Variants in GPATCH2 observed in about 807,000 individuals in gnomAD.
GPATCH2 encodes G-patch domain containing 2.
In GPATCH2, 51 loss-of-function variants were observed where a neutral mutation model predicts 58.0. That is an observed-to-expected ratio of 0.88 (90% confidence interval 0.70 to 1.11). The LOEUF (loss-of-function observed/expected upper bound fraction) is 1.11, where lower values mean the gene tolerates loss of function less well. Ranked by LOEUF, GPATCH2 falls within the 50% of genes most tolerant of loss-of-function variation. GPATCH2 has a pLI of 0.00. For missense variants in GPATCH2, 625 were observed against 652.2 expected, an observed-to-expected ratio of 0.96 and a Z score of 0.45; for synonymous variants, 222 against 218.5, an observed-to-expected ratio of 1.02 and a Z score of -0.14.
At chr1:217,535,904 A>T (rs566371970) in intron 5 of GPATCH2, among the ~76,000 whole-genome samples, 1 of 152,350 alleles carries the variant, frequency 6.6e-6, no homozygotes, top group East Asian at 1.9e-4. Context: ...TAAAATTTTT[A>T]AATTTCTTTT....
chr1:217,593,941 A>G (rs1444186890), intron 5 of GPATCH2, among the ~76,000 whole-genome samples: 1 of 152,136 alleles, frequency 6.6e-6, no homozygotes, highest in Non-Finnish European at 1.5e-5. Flanking sequence ...ATATTTAATT[A>G]GAATCTTTTA....
chr1:217,585,765 T>C (rs1211792397), intron 5 of GPATCH2, among the ~76,000 whole-genome samples: 2 of 152,170 alleles, frequency 1.3e-5, no homozygotes, highest in African/African-American at 4.8e-5. Flanking sequence ...CAGGGATACA[T>C]TCTGAGAAAG....
intron 5 of GPATCH2, among the ~76,000 whole-genome samples, chr1:217,562,473 C>T (rs1018396629): frequency 3.3e-5 from 5 of 152,138 alleles, no homozygotes; most frequent in Non-Finnish European, 5.9e-5. Context: ...TGGAAAACTA[C>T]TAGGACAGAG....
intron 5 of GPATCH2, among the ~76,000 whole-genome samples, chr1:217,551,880 G>A (rs569515860): frequency 5.9e-5 from 9 of 152,236 alleles, no homozygotes; most frequent in Admixed American, 2.0e-4. Context: ...TACATATCAT[G>A]TAACATCACC....
chr1:217,567,679 T>C (rs1158626957), intron 5 of GPATCH2, among the ~76,000 whole-genome samples: 2 of 152,248 alleles, frequency 1.3e-5, no homozygotes, highest in Non-Finnish European at 2.9e-5. Context: ...ATAAGCCTTC[T>C]GGCTTTAAAT....
chr1:217,622,565 A>G (rs747594946), intron 1 of GPATCH2, among the ~76,000 whole-genome samples: 3 of 152,208 alleles, frequency 2.0e-5, no homozygotes, highest in Non-Finnish European at 2.9e-5. Context: ...TTTGTTTGAG[A>G]CGGAGTCTCG....
chr1:217,452,548 A>G (rs1659717564), intron 8 of GPATCH2, among the ~76,000 whole-genome samples: 1 of 152,020 alleles, frequency 6.6e-6, no homozygotes, highest in South Asian at 2.1e-4. Flanking sequence ...CTTAAAAATA[A>G]CTCTCCCAAG....
intron 5 of GPATCH2, among the ~76,000 whole-genome samples, chr1:217,583,061 A>G (rs1322439183): frequency 6.6e-6 from 1 of 152,246 alleles, no homozygotes; most frequent in African/African-American, 2.4e-5. Context: ...CACTTCATAA[A>G]TAATTACTGC....
chr1:217,575,156 C>T (rs1327179275), intron 5 of GPATCH2, among the ~76,000 whole-genome samples: 1 of 152,136 alleles, frequency 6.6e-6, no homozygotes, highest in East Asian at 1.9e-4. Context: ...AATGTCTTGC[C>T]TAAAGTCACA....
intron 8 of GPATCH2, among the ~76,000 whole-genome samples, chr1:217,463,568 G>T (rs1190073535): frequency 2.1e-5 from 3 of 145,792 alleles, no homozygotes; most frequent in African/African-American, 7.6e-5. Flanking sequence ...ACTTTGGGAG[G>T]CTGAGATGGG....
intron 2 of GPATCH2, among the ~76,000 whole-genome samples, chr1:217,618,791 CT>C (rs2102835674): frequency 6.6e-6 from 1 of 152,092 alleles, no homozygotes; most frequent in East Asian, 1.9e-4. Context: ...GAAACCCCGT[CT>C]CTACTAAAAA....
chr1:217,467,057 C>T (rs1275935333), intron 8 of GPATCH2, among the ~76,000 whole-genome samples: 1 of 152,158 alleles, frequency 6.6e-6, no homozygotes, highest in African/African-American at 2.4e-5. Flanking sequence ...CCTGTGGTCC[C>T]AGCTACTCAG....
At chr1:217,539,481 T>G (rs555637264) in intron 5 of GPATCH2, among the ~76,000 whole-genome samples, 2 of 152,296 alleles carry the variant, frequency 1.3e-5, no homozygotes, top group East Asian at 3.9e-4. Flanking sequence ...CCTCTTGTCC[T>G]ACAAACAATT....
At chr1:217,515,158 C>T (rs1248292117) in intron 5 of GPATCH2, among the ~76,000 whole-genome samples, 4 of 151,246 alleles carry the variant, frequency 2.6e-5, no homozygotes, top group East Asian at 2.0e-4. Context: ...TGCAGCAGCG[C>T]GATCTCGGCT....
At chr1:217,628,706 A>G (rs1669580691) in intron 1 of GPATCH2, among the ~76,000 whole-genome samples, 1 of 151,586 alleles carries the variant, frequency 6.6e-6, no homozygotes, top group Non-Finnish European at 1.5e-5. Context: ...AAAGAATACC[A>G]TAGTTGAATA....
rs1558458105 is a variant in GPATCH2, at chr1:217,524,882, AGGGGG to A, written c.1099-9998_1099-9994del. ...GGAGAGGGGAGAGGGGAGAGGGGGG[AGGGGG>A]GAGGGGGGAGGGGGGAGGGGGGAGG... is the stretch of plus-strand genomic sequence containing the variant. On this transcript the variant is annotated intron_variant, in intron 5 of 9. Transcript: ENST00000366935. Among the ~76,000 whole-genome samples, 4 of 590 alleles carry A rather than the reference AGGGGG, an allele frequency of 6.8e-3. 1 individual carries two copies. Among genetic ancestry groups the A allele is most frequent in the Admixed American group, 0.02 (1 of 50 alleles). The allele number at this position is 590 out of a possible 152,430, so 0.4% of individuals were successfully genotyped here. A position where few individuals can be genotyped will look rare whatever the true frequency, so the allele number is the denominator to read the frequency against.
chr1:217,441,751 T>A (rs1259365343), intron 9 of GPATCH2, among the ~76,000 whole-genome samples: 2 of 152,164 alleles, frequency 1.3e-5, no homozygotes, highest in Non-Finnish European at 2.9e-5. Flanking sequence ...AAGCTCATCA[T>A]CACTGGTCAT....
chr1:217,440,359 T>C (rs1227087085), intron 9 of GPATCH2, among the ~76,000 whole-genome samples: 1 of 152,120 alleles, frequency 6.6e-6, no homozygotes, highest in Non-Finnish European at 1.5e-5. Flanking sequence ...ATGAAATGTA[T>C]CTTAAAATAA....
intron 9 of GPATCH2, among the ~76,000 whole-genome samples, chr1:217,432,350 T>C (rs906055297): frequency 1.3e-5 from 2 of 152,148 alleles, no homozygotes; most frequent in African/African-American, 4.8e-5. Context: ...TAGGCTCTTA[T>C]AGAAAAAGTT....
Sources: gnomAD v4.1 joint callset for allele counts (sites outside exome capture counted in the v4.1 genomes callset) on GRCh38, gnomAD v4.1.1 for gene constraint, MANE v1.5 for transcripts, NCBI Gene and HGNC (gene_info 2026-07-23, HGNC 2026-07-21) for gene names.